The following ZNF730 variants were observed in gnomAD, a reference collection of about 807,000 sequenced individuals.
ZNF730 encodes putative zinc finger protein 730.
Under a neutral mutation model 12.6 loss-of-function variants are expected in ZNF730, and 12 were observed. That is an observed-to-expected ratio of 0.95 (90% confidence interval 0.61 to 1.54). The LOEUF is 1.54. Among genes scored for constraint, ZNF730 ranks in the 40% most tolerant of loss-of-function variants. ZNF730 has a pLI of 0.00. For synonymous variants in ZNF730, 194 were observed against 195.8 expected, an observed-to-expected ratio of 0.99 and a Z score of 0.08; for missense variants, 643 against 583.5, an observed-to-expected ratio of 1.10 and a Z score of -1.05.
At chr19:23,100,318 G>A (rs1180238689) in intron 1 of ZNF730, 1 of 152,176 alleles carries the variant, frequency 6.6e-6, no homozygotes, top group South Asian at 2.1e-4. Flanking sequence ...TGTAATGACT[G>A]TCATACCTCG....
chr19:23,141,380 A>G (rs997737045), intron 3 of ZNF730, among the ~76,000 whole-genome samples: 6 of 151,220 alleles, frequency 4.0e-5, no homozygotes, highest in Admixed American at 1.3e-4. Flanking sequence ...GGGTGACAGA[A>G]TGAGACTCCG....
At chr19:23,140,205 T>C (rs1206325421) in intron 3 of ZNF730, among the ~76,000 whole-genome samples, 2 of 152,160 alleles carry the variant, frequency 1.3e-5, no homozygotes, top group African/African-American at 2.4e-5. Flanking sequence ...TGAAAGTAGT[T>C]TTATTTTCAC....
At chr19:23,128,061 T>C (rs529948683) in intron 1 of ZNF730, 1 of 766,814 alleles carries the variant, frequency 1.3e-6, no homozygotes, top group Admixed American at 1.7e-5. Flanking sequence ...ATGAATACAA[T>C]GTGGAAAGCA....
intron 1 of ZNF730, chr19:23,075,405 G>T: frequency 6.5e-6 from 1 of 154,016 alleles, no homozygotes; most frequent in Non-Finnish European, 1.5e-5. Flanking sequence ...TGCGGGGTTG[G>T]GCATCCCTTG....
chr19:23,096,201 C>T (rs1693286), intron 1 of ZNF730, among the ~76,000 whole-genome samples: 22,023 of 151,698 alleles, frequency 0.15, 2,464 homozygotes, highest in African/African-American at 0.31. Context: ...CTCAAGGTAC[C>T]GTGACATTGC....
chr19:23,092,120 A>G (rs1410150698), intron 1 of ZNF730, among the ~76,000 whole-genome samples: 1 of 152,164 alleles, frequency 6.6e-6, no homozygotes, highest in African/African-American at 2.4e-5. Context: ...TGGGCTTATC[A>G]GGGGTTTCCA....
At chr19:23,095,051 C>T (rs776219222) in intron 1 of ZNF730, 59 of 243,010 alleles carry the variant, frequency 2.4e-4, no homozygotes, top group Non-Finnish European at 2.4e-4. Context: ...CCTGCTGGTG[C>T]GATTATGACA....
At chr19:23,131,411 G>T (rs1970741181) in intron 1 of ZNF730, among the ~76,000 whole-genome samples, 1 of 152,194 alleles carries the variant, frequency 6.6e-6, no homozygotes, top group African/African-American at 2.4e-5. Context: ...TGTAGTACCT[G>T]AATAATAAAC....
At chr19:23,130,015 T>C (rs1050306609) in intron 1 of ZNF730, among the ~76,000 whole-genome samples, 2 of 150,688 alleles carry the variant, frequency 1.3e-5, no homozygotes, top group Non-Finnish European at 3.0e-5. Context: ...AAAAAAGACT[T>C]TGGGGGACTG....
At chr19:23,110,919 G>A (rs936976019) in intron 1 of ZNF730, among the ~76,000 whole-genome samples, 13 of 152,302 alleles carry the variant, frequency 8.5e-5, no homozygotes, top group African/African-American at 2.4e-4. Context: ...GAACTCTGTG[G>A]CCTAAGTCAA....
intron 1 of ZNF730, among the ~76,000 whole-genome samples, chr19:23,104,791 A>G (rs1027810984): frequency 3.9e-5 from 6 of 152,170 alleles, no homozygotes; most frequent in African/African-American, 1.4e-4. Context: ...AACTGCCCTC[A>G]TATCCTTGTC....
chr19:23,114,305 C>CTTTTTCTTTTTTTT (rs1970490304), upstream of ZNF730, among the ~76,000 whole-genome samples: 1 of 103,508 alleles, frequency 9.7e-6, no homozygotes, highest in African/African-American at 3.5e-5. Flanking sequence ...TTTTTCTTTT[C>CTTTTTCTTTTTTTT]TTTTTTTTTT....
chr19:23,146,790 A>G lies in ZNF730; in HGVS notation c.*234A>G. On this transcript the variant is annotated 3_prime_UTR_variant, in exon 4 of 4. Transcript: ENST00000597761. The stretch of plus-strand genomic sequence containing the variant: ...CCTTACTACACATAAGATAATTCAT[A>G]CTGGAGAGAAACCCTACAAGTGTGA... 1.0e-6 allele frequency: 1 copy of G among 973,670 alleles called. No individual in the cohort carries two copies. The highest frequency in any genetic ancestry group is 1.7e-6 in the Non-Finnish European group (1 of 600,914). The allele number at this position is 973,670 out of a possible 1,614,324, so 60.3% of individuals were successfully genotyped here.
chr19:23,096,480 C>G (rs1259862066), intron 1 of ZNF730, among the ~76,000 whole-genome samples: 7 of 152,108 alleles, frequency 4.6e-5, no homozygotes, highest in Admixed American at 4.6e-4. Context: ...CCTGGGCCCT[C>G]CCAAAAAAGT....
intron 1 of ZNF730, chr19:23,127,933 A>G (rs1970690537): frequency 2.9e-6 from 2 of 689,750 alleles, no homozygotes; most frequent in Non-Finnish European, 5.3e-6. Flanking sequence ...TGGCCTAACC[A>G]ATTACACTGC....
At chr19:23,112,349 G>T (rs1402779680), upstream of ZNF730, among the ~76,000 whole-genome samples, 2 of 152,100 alleles carry the variant, frequency 1.3e-5, no homozygotes, top group African/African-American at 2.4e-5. Context: ...AGCATCTTTT[G>T]TGTGCACTCA....
rs559549770 is a variant in ZNF730, at chr19:23,133,520, T to G, written c.4-560T>G. Reference sequence around the variant, plus strand: ...ACCATGGCCAGCTAATTTTGTGTTTTTAGTAGAGATGGGATTTCTCTGTGT... The same window carrying G: ...ACCATGGCCAGCTAATTTTGTGTTTGTAGTAGAGATGGGATTTCTCTGTGT... On this transcript the variant is annotated intron_variant, in intron 1 of 3. Coordinates refer to ENST00000597761, the MANE Select transcript of ZNF730 (RefSeq NM_001277403.2). Among the ~76,000 whole-genome samples, 4 of 152,248 alleles carry G rather than the reference T, an allele frequency of 2.6e-5. No homozygotes were observed. In the East Asian group the frequency reaches 7.7e-4, roughly 29 times the overall value.
At chr19:23,135,882 T>G in intron 2 of ZNF730, 66 bp from the exon 3 acceptor site, 1 of 1,393,546 alleles carries the variant, frequency 7.2e-7, no homozygotes, top group East Asian at 2.4e-5. Context: ...TTCTCTTTAC[T>G]GAGAGCATTA....
upstream of ZNF730, among the ~76,000 whole-genome samples, chr19:23,116,522 T>G (rs1195188992): frequency 2.0e-5 from 3 of 151,356 alleles, no homozygotes; most frequent in African/African-American, 7.3e-5. Context: ...TTCCCCTGCC[T>G]TAGCCTCCCG....
Sources: gnomAD v4.1 joint callset for allele counts (sites outside exome capture counted in the v4.1 genomes callset) on GRCh38, gnomAD v4.1.1 for gene constraint, MANE v1.5 for transcripts, NCBI Gene and HGNC (gene_info 2026-07-23, HGNC 2026-07-21) for gene names.